Variants in GSTT4 observed in about 807,000 individuals in gnomAD.
GSTT4 encodes the protein glutathione S-transferase theta-4.
intron 2 of GSTT4, among the ~76,000 whole-genome samples, chr22:24,001,693 A>G (rs948774918): frequency 2.0e-5 from 3 of 152,258 alleles, no homozygotes; most frequent in Non-Finnish European, 4.4e-5. Context: ...TCCTTTTTCA[A>G]AAACAAAAAC....
At chr22:23,999,668 A>C (rs2034183168) in intron 4 of GSTT4, among the ~76,000 whole-genome samples, 1 of 134,350 alleles carries the variant, frequency 7.4e-6, no homozygotes, top group African/African-American at 2.9e-5. Flanking sequence ...GCTGTCCTCC[A>C]GAGCTGTCTG....
the GSTT4 span, among the ~76,000 whole-genome samples, chr22:23,991,014 A>G: frequency 1.7e-4 from 17 of 100,674 alleles, 2 homozygotes; most frequent in African/African-American, 4.2e-4. Flanking sequence ...CAATAATAAT[A>G]ATAATAATAA....
intron 2 of GSTT4, among the ~76,000 whole-genome samples, chr22:24,001,791 G>A (rs1345697685): frequency 6.6e-6 from 1 of 152,268 alleles, no homozygotes; most frequent in Non-Finnish European, 1.5e-5. Flanking sequence ...TTGGAGACCA[G>A]CCTGGCCAAC....
chr22:24,002,381 C>T (rs2034250947), intron 2 of GSTT4, among the ~76,000 whole-genome samples: 1 of 152,248 alleles, frequency 6.6e-6, no homozygotes, highest in Non-Finnish European at 1.5e-5. Flanking sequence ...AGGGGATGTC[C>T]TAGGCCTTGC....
At chr22:24,004,760 G>A (rs1169431287) in intron 1 of GSTT4, 2 of 153,144 alleles carry the variant, frequency 1.3e-5, no homozygotes, top group East Asian at 1.9e-4. Flanking sequence ...ACTGTCATTA[G>A]TGAGCACTGA....
At chr22:23,997,249 T>C (rs1290922929), downstream of GSTT4, among the ~76,000 whole-genome samples, 5 of 151,964 alleles carry the variant, frequency 3.3e-5, no homozygotes, top group Non-Finnish European at 7.4e-5. Flanking sequence ...ATAAGGTTCT[T>C]CTATGTGCCC....
chr22:23,992,853 C>G, the GSTT4 span, among the ~76,000 whole-genome samples: 1 of 151,372 alleles, frequency 6.6e-6, no homozygotes, highest in Non-Finnish European at 1.5e-5. Context: ...ACTTAGCTTA[C>G]TGCAGCCTCG....
At chr22:23,991,004 CAATAAT>C in the GSTT4 span, among the ~76,000 whole-genome samples, 1 of 74,360 alleles carries the variant, frequency 1.3e-5, no homozygotes, top group Non-Finnish European at 3.2e-5. Context: ...GACCTCCTCT[CAATAAT>C]AATAATAATA....
rs140292 is a variant in GSTT4 at position 24,001,260 on chromosome 22, G to A, written c.266C>T (p.Pro89Leu). 7,204 of 149,832 alleles carry A rather than the reference G, an allele frequency of 0.048. No individual in the cohort carries two copies. The highest frequency in any genetic ancestry group is 0.14 in the Middle Eastern group (39 of 288). 9.3% of individuals were successfully genotyped at this position (149,832 alleles called of 1,614,324 possible). A position where few individuals can be genotyped will look rare whatever the true frequency, so the allele number is the denominator to read the frequency against. The change falls in exon 3 of 5, where the codon CCG (proline) becomes CTG (leucine). Residue 89 changes from proline (P) to leucine (L), a missense_variant. Physicochemically the swap from Pro to Leu is moderately conservative, Grantham distance 98. Coordinates refer to ENST00000621179, the MANE Select transcript of GSTT4 (RefSeq NM_001358664.2). ...CTCATCCACACGGGCACGTGCGTGC[G>A]GGTCTGGCGGGCACCAGTGCGATGG... ...SAPSHWCPPD[P>L]HARARVDEFV...
Position 24,005,297 on chromosome 22 carries a change from GA to G in GSTT4, c.59del (p.Phe20SerfsTer17), listed in dbSNP as rs1476186950. 2.0e-5 allele frequency: 3 copies of G among 153,304 alleles called. No homozygotes were observed. The highest frequency in any genetic ancestry group is 2.9e-5 in the Non-Finnish European group (2 of 68,452). 9.5% of individuals were successfully genotyped at this position (153,304 alleles called of 1,614,324 possible). ...LSAPCRAVYI[F>X]SKKHDIQFNF... ...TGAACTGGATGTCATGCTTCTTCGA[GA>G]AGATGTAGACGGCACGGCAGGGTGC... On this transcript the variant is annotated frameshift_variant, in exon 1 of 5. Transcript: ENST00000621179. LOFTEE classifies it high-confidence loss of function.
intron 1 of GSTT4, 99 bp downstream of exon 1, chr22:24,005,146 G>A (rs1174495568): frequency 1.6e-5 from 1 of 61,178 alleles, no homozygotes; most frequent in Non-Finnish European, 3.9e-5. Context: ...GGGCAACAGA[G>A]CGAGACTCCA....
chr22:23,999,250 G>A (rs1438279873), intron 4 of GSTT4, among the ~76,000 whole-genome samples: 1 of 149,904 alleles, frequency 6.7e-6, no homozygotes, highest in Admixed American at 6.7e-5. Flanking sequence ...GAATGGGTGT[G>A]TGTGGGTGAA....
At chr22:24,002,338 G>C (rs1193662770) in intron 2 of GSTT4, among the ~76,000 whole-genome samples, 8 of 152,280 alleles carry the variant, frequency 5.3e-5, no homozygotes, top group African/African-American at 1.9e-4. Context: ...CATGGGGACA[G>C]AGGGAAGGGG....
At chr22:23,995,292 C>A (rs2034105517), downstream of GSTT4, among the ~76,000 whole-genome samples, 2 of 62,818 alleles carry the variant, frequency 3.2e-5, no homozygotes, top group South Asian at 1.1e-3. Context: ...GCCACCACAC[C>A]CAGCTAATTT....
In GSTT4 at chr22:24,003,756, T is replaced by G. The variant is rs1363556132; in HGVS notation, c.200+4A>C. 3 of 155,526 alleles carry G rather than the reference T, an allele frequency of 1.9e-5. No individual in the cohort carries two copies. In the East Asian group the frequency reaches 5.8e-4, roughly 30 times the overall value. 9.6% of individuals were successfully genotyped at this position (155,526 alleles called of 1,614,324 possible). A position where few individuals can be genotyped will look rare whatever the true frequency, so the allele number is the denominator to read the frequency against. On this transcript the variant is annotated splice_donor_region_variant and intron_variant, in intron 2 of 4. Coordinates refer to ENST00000621179, the MANE Select transcript of GSTT4 (RefSeq NM_001358664.2). ...ATGGTGCAAGGGCCCCAGGGAAGAC[T>G]TACCTTTCACTTAAGATAAATTTCC...
At chr22:24,001,531 G>C (rs1475021891) in intron 2 of GSTT4, among the ~76,000 whole-genome samples, 3 of 152,270 alleles carry the variant, frequency 2.0e-5, no homozygotes, top group African/African-American at 7.2e-5. Flanking sequence ...AGGAGTTGGG[G>C]GCTGGTGGTA....
chr22:24,002,134 G>A (rs2034243668), intron 2 of GSTT4, among the ~76,000 whole-genome samples: 2 of 152,292 alleles, frequency 1.3e-5, no homozygotes, highest in Admixed American at 1.3e-4. Flanking sequence ...ACACTGTGGA[G>A]TCCACGTAGG....
chr22:23,992,967 C>T, the GSTT4 span, among the ~76,000 whole-genome samples: 7 of 152,040 alleles, frequency 4.6e-5, no homozygotes, highest in South Asian at 2.1e-4. Context: ...GAGACGGGGT[C>T]GCACTTTGTT....
At chr22:24,000,398 G>T (rs2034204094) in intron 3 of GSTT4, 147 bp from the exon 4 acceptor site, 1 of 148,850 alleles carries the variant, frequency 6.7e-6, no homozygotes, top group South Asian at 2.1e-4. Context: ...AGTTCTGATT[G>T]GTGGAAGTTG....
Sources: allele counts gnomAD v4.1 joint callset (sites outside exome capture counted in the v4.1 genomes callset), GRCh38; gene constraint gnomAD v4.1.1; transcripts MANE v1.5; gene names NCBI Gene and HGNC (gene_info 2026-07-23, HGNC 2026-07-21).